Variants in SCNN1A observed in about 807,000 individuals in gnomAD.
The protein encoded by SCNN1A is sodium channel epithelial 1 subunit alpha.
Under a neutral mutation model 68.6 loss-of-function variants are expected in SCNN1A, and 65 were observed. The ratio of observed to expected loss-of-function variants is 0.95; its 90% CI spans 0.78 to 1.16. The LOEUF (loss-of-function observed/expected upper bound fraction) is 1.16, where lower values mean the gene tolerates loss of function less well. Ranked by LOEUF, SCNN1A falls within the 50% of genes most tolerant of loss-of-function variation. The pLI, the probability that SCNN1A is intolerant of heterozygous loss-of-function variation, is 0.00. For missense variants in SCNN1A, 880 were observed against 865.9 expected (o/e 1.02, Z -0.20); for synonymous variants, 357 against 353.3 (o/e 1.01, Z -0.12).
intron 2 of SCNN1A, among the ~76,000 whole-genome samples, chr12:6,364,618 C>T (rs1342848341): frequency 1.3e-5 from 2 of 151,866 alleles, no homozygotes; most frequent in Non-Finnish European, 1.5e-5. Context: ...AAAAATTAGC[C>T]GGGCTTGGTG....
chr12:6,360,176 T>A (rs1565481057), intron 4 of SCNN1A, among the ~76,000 whole-genome samples: 1 of 152,212 alleles, frequency 6.6e-6, no homozygotes, highest in Non-Finnish European at 1.5e-5. Context: ...TTCCTGTAGT[T>A]GCAGAAGGAA....
rs780837673 is a variant in SCNN1A, at chr12:6,348,768, C to G, written c.1588G>C (p.Glu530Gln). The G allele has an allele frequency of 6.2e-7, 1 of 1,613,686 alleles. No homozygotes were observed. The highest frequency in any genetic ancestry group is 1.1e-5 in the South Asian group (1 of 91,022). The change falls in exon 12 of 13, where the codon GAG (glutamate) becomes CAG (glutamine). Residue 530 changes from glutamate to glutamine, a missense_variant. By Grantham distance (29) the Glu-to-Gln change is conservative (BLOSUM62 2). Around this residue, in one of 3 missense-constraint regions of SCNN1A, gnomAD observed 758 missense variants for 721.8 expected, o/e 1.05. Transcript: ENST00000228916. ...GVAKVNIFFK[E>Q]LNYKTNSESP... Reference sequence around the variant, plus strand: ...TCAGAATTGGTTTTGTAGTTCAGCTCCTTGAAGAAGATGTTGACTTTGGCC... The same window carrying G: ...TCAGAATTGGTTTTGTAGTTCAGCTGCTTGAAGAAGATGTTGACTTTGGCC...
chr12:6,355,747 G>T, intron 5 of SCNN1A, 30 bp downstream of exon 5: 1 of 1,455,494 alleles, frequency 6.9e-7, no homozygotes, highest in South Asian at 1.1e-5. Flanking sequence ...GAAGCAGAGG[G>T]CGCCATGGAG....
intron 5 of SCNN1A, 90 bp from the exon 6 acceptor site, chr12:6,355,525 T>C: frequency 6.8e-7 from 1 of 1,472,048 alleles, no homozygotes; most frequent in South Asian, 1.2e-5. Context: ...CCTTGCCCAG[T>C]CTCTAAAGCT....
intron 8 of SCNN1A, among the ~76,000 whole-genome samples, chr12:6,354,092 G>T (rs79854748): frequency 6.6e-6 from 1 of 151,732 alleles, no homozygotes; most frequent in Admixed American, 6.6e-5. Flanking sequence ...TTAGCTGGGC[G>T]TGGTGGCGGG....
intron 1 of SCNN1A, chr12:6,375,107 T>G (rs1221474375): frequency 6.7e-7 from 1 of 1,502,798 alleles, no homozygotes; most frequent in Non-Finnish European, 8.9e-7. Flanking sequence ...TAGGGCCACC[T>G]TTCGAGTTTT....
chr12:6,361,290 T>G (rs1229400607), intron 4 of SCNN1A, among the ~76,000 whole-genome samples: 1 of 152,122 alleles, frequency 6.6e-6, no homozygotes, highest in Non-Finnish European at 1.5e-5. Flanking sequence ...GGCCAGGAAG[T>G]GACAGAGCTA....
chr12:6,373,744 G>C (rs1948838472), intron 2 of SCNN1A, among the ~76,000 whole-genome samples: 1 of 152,142 alleles, frequency 6.6e-6, no homozygotes, highest in Non-Finnish European at 1.5e-5. Flanking sequence ...GGGTCTTTTG[G>C]GGGAAGAGCT....
chr12:6,348,756 T>C lies in SCNN1A; in HGVS notation c.1600A>G (p.Lys534Glu), dbSNP rs1948313269. 6.2e-7 allele frequency: 1 copy of C among 1,613,730 alleles called. No individual in the cohort carries two copies. Among genetic ancestry groups the C allele is most frequent in the Non-Finnish European group, 8.5e-7 (1 of 1,179,936 alleles). Reference sequence around the variant, plus strand: ...ACAGAGGGAGACTCAGAATTGGTTTTGTAGTTCAGCTCCTTGAAGAAGATG... The same window carrying C: ...ACAGAGGGAGACTCAGAATTGGTTTCGTAGTTCAGCTCCTTGAAGAAGATG... ...VNIFFKELNY[K>E]TNSESPSVTM... Residue 534 changes from lysine (K) to glutamate (E), a missense_variant, in exon 12 of 13, where the codon AAA (lysine) becomes GAA (glutamate). Lys to Glu is a moderately conservative substitution (Grantham distance 56, BLOSUM62 1). Around this residue, in one of 3 missense-constraint regions of SCNN1A, gnomAD observed 758 missense variants for 721.8 expected, o/e 1.05. Coordinates refer to ENST00000228916, the MANE Select transcript of SCNN1A (RefSeq NM_001038.6).
At chr12:6,349,128 C>T (rs1948322861) in intron 10 of SCNN1A, 36 bp downstream of exon 10, 2 of 1,608,566 alleles carry the variant, frequency 1.2e-6, no homozygotes, top group South Asian at 2.2e-5. Flanking sequence ...TACATGGGCA[C>T]ACACATCCCC....
chr12:6,349,172 T>C lies in SCNN1A; in HGVS notation c.1489A>G (p.Thr497Ala). ...CCTTCCCCACACTCTACCTGGGATG[T>C]CACCGAGGGCCATCGTGAGTAACCA... ...SAGYSRWPSV[T>A]SQEWVFQMLS... The change falls in exon 10 of 13, where the codon ACA becomes GCA. Residue 497 changes from threonine to alanine, a missense_variant. Physicochemically the swap from Thr to Ala is moderately conservative, Grantham distance 58 (BLOSUM62 0). This residue lies in a region of SCNN1A where 758 missense variants were observed against 721.8 expected (regional missense o/e 1.05). Coordinates refer to ENST00000228916, the MANE Select transcript of SCNN1A (RefSeq NM_001038.6). The C allele has an allele frequency of 6.2e-7, 1 of 1,613,986 alleles. No homozygotes were observed. Among genetic ancestry groups the C allele is most frequent in the African/African-American group, 1.3e-5 (1 of 74,994 alleles).
chr12:6,369,227 T>A (rs1948734350), intron 2 of SCNN1A, among the ~76,000 whole-genome samples: 1 of 150,972 alleles, frequency 6.6e-6, no homozygotes, highest in Non-Finnish European at 1.5e-5. Context: ...GGAGCCCCCA[T>A]GCCATCTCTG....
intron 1 of SCNN1A, chr12:6,375,055 G>T: frequency 6.5e-7 from 1 of 1,534,326 alleles, no homozygotes; most frequent in South Asian, 1.2e-5. Flanking sequence ...AAAAGTGCCG[G>T]AGCTGGGCTT....
At chr12:6,375,681 G>A, upstream of SCNN1A, 2 of 1,460,208 alleles carry the variant, frequency 1.4e-6, no homozygotes, top group Non-Finnish European at 1.8e-6. Context: ...AGGTGAACTG[G>A]GAGTACTGGA....
At chr12:6,348,474 G>T (rs1360698855) in intron 12 of SCNN1A, among the ~76,000 whole-genome samples, 1 of 148,692 alleles carries the variant, frequency 6.7e-6, no homozygotes, top group East Asian at 2.0e-4. Flanking sequence ...AGCTGAAATG[G>T]GGGCATGGGT....
At chr12:6,365,373 A>C (rs1216647349) in intron 2 of SCNN1A, among the ~76,000 whole-genome samples, 1 of 152,216 alleles carries the variant, frequency 6.6e-6, no homozygotes, top group Non-Finnish European at 1.5e-5. Flanking sequence ...CTTATCTGGA[A>C]ATGCAAACAA....
In SCNN1A at chr12:6,372,021, C is replaced by A. The variant is rs1295513284; in HGVS notation, c.416+2347G>T. 1.3e-5 allele frequency among the ~76,000 whole-genome samples: 2 copies of A among 152,126 alleles called. No homozygotes were observed. The highest frequency in any genetic ancestry group is 2.9e-5 in the Non-Finnish European group (2 of 68,032). On this transcript the variant is annotated intron_variant, in intron 2 of 12. Coordinates refer to ENST00000228916, the MANE Select transcript of SCNN1A (RefSeq NM_001038.6). The surrounding 1 kb of genome is among the most constrained non-coding windows in gnomAD (Gnocchi z 5.8). Reference sequence around the variant, plus strand: ...CCATGATGGCCAGGCTGGTCTCGAACTCCTGGCCTCAAGTGAGGGGCTCTT... The same window carrying A: ...CCATGATGGCCAGGCTGGTCTCGAAATCCTGGCCTCAAGTGAGGGGCTCTT...
At chr12:6,366,146 GC>G (rs951355306) in intron 2 of SCNN1A, among the ~76,000 whole-genome samples, 4 of 152,004 alleles carry the variant, frequency 2.6e-5, no homozygotes, top group African/African-American at 9.7e-5. Flanking sequence ...GAGCCACCAC[GC>G]CCAGCCGAAC....
At position 6,362,138 on chromosome 12, in the gene SCNN1A, A is replaced by G. The variant is rs757131301; in HGVS notation, c.788T>C (p.Leu263Pro). The change falls in exon 4 of 13, where the codon CTG becomes CCG. Residue 263 changes from leucine (L) to proline (P), a missense_variant. Physicochemically the swap from Leu to Pro is moderately conservative, Grantham distance 98. Coordinates refer to ENST00000228916, the MANE Select transcript of SCNN1A (RefSeq NM_001038.6). ...CTCCAGGGATGGCAGAGTCTCTGGC[A>G]GCCTCGACAGGATGTTGATGTAGTG... The part of the protein sequence containing the change: ...RFHYINILSR[L>P]PETLPSLEED... 2 of 1,614,228 alleles carry G rather than the reference A, an allele frequency of 1.2e-6. No individual in the cohort carries two copies. Among genetic ancestry groups the G allele is most frequent in the Non-Finnish European group, 1.7e-6 (2 of 1,180,016 alleles).
Sources: allele counts gnomAD v4.1 joint callset (sites outside exome capture counted in the v4.1 genomes callset), GRCh38; gene constraint gnomAD v4.1.1; regional missense constraint gnomAD v4.1.1; non-coding constraint Gnocchi (gnomAD v3.1); transcripts MANE v1.5; gene names NCBI Gene and HGNC (gene_info 2026-07-23, HGNC 2026-07-21).